Variants in ST18 observed in about 807,000 individuals in gnomAD.
ST18 encodes the protein suppression of tumorigenicity 18 protein.
ST18 carries 50 observed loss-of-function variants against 110.0 expected under a neutral mutation model. That is an observed-to-expected ratio of 0.45 (90% CI 0.36 to 0.58). The LOEUF is 0.58. Ranked by LOEUF, ST18 falls within the 20% of genes least tolerant of loss-of-function variation. The probability of loss-of-function intolerance (pLI) is 0.00; values close to 1 mark genes in which losing one functional copy is unlikely to be tolerated. For synonymous variants in ST18, 461 were observed against 452.4 expected, an observed-to-expected ratio of 1.02 and a Z score of -0.24; for missense variants, 1,306 against 1,280.1, an observed-to-expected ratio of 1.02 and a Z score of -0.31.
Position 52,118,376 on chromosome 8 carries a change from G to A in ST18, c.2821C>T (p.Leu941Phe). The change falls in exon 24 of 26, where the codon CTT becomes TTT. Residue 941 changes from leucine (L) to phenylalanine (F), a missense_variant. By Grantham distance (22) the Leu-to-Phe change is conservative (BLOSUM62 0). Transcript: ENST00000689386. ...TTCATCATATCTGCTTCAATTTTAA[G>A]GTTGGATTCATTCAGTTCCTTTATT... is the stretch of plus-strand genomic sequence containing the variant. ...EEIKELNESN[L>F]KIEADMMKLQ... 1.2e-6 allele frequency: 2 copies of A among 1,611,026 alleles called. No individual in the cohort carries two copies. Among genetic ancestry groups the A allele is most frequent in the Middle Eastern group, 1.7e-4 (1 of 6,034 alleles).
intron 2 of ST18, among the ~76,000 whole-genome samples, chr8:52,343,174 T>C (rs1475830566): frequency 6.6e-6 from 1 of 152,118 alleles, no homozygotes; most frequent in African/African-American, 2.4e-5. Flanking sequence ...TAAAGCTCTT[T>C]AGCCAGGGCA....
intron 2 of ST18, among the ~76,000 whole-genome samples, chr8:52,321,680 C>A (rs16917676): frequency 0.085 from 12,861 of 152,196 alleles, 583 homozygotes; most frequent in East Asian, 0.14. Flanking sequence ...CCAACTAGGT[C>A]ATTTATGAAT....
At chr8:52,282,104 T>C (rs1329450921) in intron 2 of ST18, among the ~76,000 whole-genome samples, 1 of 152,056 alleles carries the variant, frequency 6.6e-6, no homozygotes, top group Non-Finnish European at 1.5e-5. Context: ...ATTACAAAGA[T>C]ATGATTCCAA....
intron 23 of ST18, among the ~76,000 whole-genome samples, chr8:52,121,473 G>A (rs1348647353): frequency 6.6e-6 from 1 of 152,110 alleles, no homozygotes; most frequent in Non-Finnish European, 1.5e-5. Flanking sequence ...CCACAGAGTC[G>A]CTCATCTGCC....
At chr8:52,298,038 C>A (rs6991962) in intron 2 of ST18, among the ~76,000 whole-genome samples, 2 of 152,012 alleles carry the variant, frequency 1.3e-5, no homozygotes, top group African/African-American at 4.8e-5. Flanking sequence ...TACTTCTAAA[C>A]TGACACTTCC....
In ST18 at chr8:52,137,351, A is replaced by G. The variant is rs1275234388; in HGVS notation, c.2231+70T>C. ...TGCTTCAGATAATACATGGATAGAA[A>G]GGGTGAGAATAAGTATTTAAAATAG... On this transcript the variant is annotated intron_variant, in intron 18 of 25. Transcript: ENST00000689386. 5 of 1,518,456 alleles carry G rather than the reference A, an allele frequency of 3.3e-6. No homozygotes were observed. The African/African-American group carries it at 6.9e-5, about 21-fold the overall frequency. 94.1% of individuals were successfully genotyped at this position (1,518,456 alleles called of 1,614,324 possible).
intron 2 of ST18, chr8:52,254,405 G>T (rs182358971): frequency 1.3e-5 from 2 of 152,038 alleles, no homozygotes; most frequent in Admixed American, 1.3e-4. Flanking sequence ...CCCTCCTTAC[G>T]TCACACCTCC....
At chr8:52,198,854 C>G (rs1397276953) in intron 8 of ST18, among the ~76,000 whole-genome samples, 3 of 152,196 alleles carry the variant, frequency 2.0e-5, no homozygotes, top group African/African-American at 7.2e-5. Context: ...GCCCTAACCC[C>G]TTCCACATGT....
intron 7 of ST18, among the ~76,000 whole-genome samples, chr8:52,212,637 C>T (rs1203336909): frequency 6.6e-6 from 1 of 152,162 alleles, no homozygotes; most frequent in South Asian, 2.1e-4. Context: ...GGAAAAACAG[C>T]TTTGATTTTT....
chr8:52,129,451 C>CAA (rs34059224), intron 22 of ST18, among the ~76,000 whole-genome samples: 3,159 of 72,078 alleles, frequency 0.044, 109 homozygotes, highest in African/African-American at 0.099. Context: ...GAGACTCCAT[C>CAA]AAAAAAAAAA....
In ST18 at chr8:52,137,825, G is replaced by A. The variant is rs190276478; in HGVS notation, c.2169-342C>T. 4.9e-3 allele frequency: 1,047 copies of A among 213,150 alleles called. 2 individuals are homozygous for A. The highest frequency in any genetic ancestry group is 7.7e-3 in the Non-Finnish European group (809 of 105,640). 13.2% of individuals were successfully genotyped at this position (213,150 alleles called of 1,614,324 possible). ...TCATTTGAAAAATGTATATGTTGCC[G>A]GGCATGGTGGCTCACGCCTGTAATC... is the stretch of plus-strand genomic sequence containing the variant. On this transcript the variant is annotated intron_variant, in intron 17 of 25. Transcript: ENST00000689386.
At chr8:52,380,121 AG>A (rs113648056) in intron 2 of ST18, among the ~76,000 whole-genome samples, 2,273 of 152,304 alleles carry the variant, frequency 0.015, 58 homozygotes, top group African/African-American at 0.052. Context: ...CAGGAAGCAG[AG>A]AAAAGTCATG....
chr8:52,368,390 C>T (rs541354782), intron 2 of ST18, among the ~76,000 whole-genome samples: 9 of 152,134 alleles, frequency 5.9e-5, no homozygotes, highest in Non-Finnish European at 1.2e-4. Context: ...AAAATGTTCA[C>T]CAGCTGCTTA....
chr8:52,349,621 C>T (rs905596378), intron 2 of ST18, among the ~76,000 whole-genome samples: 1 of 152,164 alleles, frequency 6.6e-6, no homozygotes, highest in Non-Finnish European at 1.5e-5. Context: ...TGTGAGAATA[C>T]TGAGTGGAAA....
chr8:52,217,172 T>C (rs550552861), intron 6 of ST18, among the ~76,000 whole-genome samples: 30 of 152,212 alleles, frequency 2.0e-4, no homozygotes, highest in Non-Finnish European at 4.1e-4. Context: ...AGAGGTTTTA[T>C]TTTTTAAAAA....
chr8:52,226,081 G>A lies in ST18; in HGVS notation c.-419+3951C>T, dbSNP rs150364384. Among the ~76,000 whole-genome samples the A allele has an allele frequency of 3.6e-3, 555 of 152,272 alleles. 3 individuals are homozygous for A. Among genetic ancestry groups the A allele is most frequent in the African/African-American group, 0.013 (535 of 41,560 alleles). ...TGAAGAACTCCTTGGGTTAGATGCA[G>A]CAAAGGACAGAGCAACAGTGACCTC... On this transcript the variant is annotated intron_variant, in intron 3 of 25. Coordinates refer to ENST00000689386, the MANE Select transcript of ST18 (RefSeq NM_001352837.2).
At chr8:52,308,093 AG>A (rs1201413960) in intron 2 of ST18, among the ~76,000 whole-genome samples, 1 of 152,226 alleles carries the variant, frequency 6.6e-6, no homozygotes, top group African/African-American at 2.4e-5. Context: ...GAGCTCTGCC[AG>A]GAAGACCCAG....
intron 24 of ST18, among the ~76,000 whole-genome samples, chr8:52,116,934 C>T (rs2130495065): frequency 6.6e-6 from 1 of 152,284 alleles, no homozygotes; most frequent in East Asian, 1.9e-4. Flanking sequence ...GCCATTACCC[C>T]ATCTAATCTC....
intron 2 of ST18, among the ~76,000 whole-genome samples, chr8:52,365,834 G>A (rs755645179): frequency 6.3e-4 from 95 of 151,706 alleles, no homozygotes; most frequent in Non-Finnish European, 9.6e-4. Flanking sequence ...GAGTAGCTTG[G>A]ACTACAGGTG....
Sources: gnomAD v4.1 joint callset for allele counts (sites outside exome capture counted in the v4.1 genomes callset) on GRCh38, gnomAD v4.1.1 for gene constraint, MANE v1.5 for transcripts, NCBI Gene and HGNC (gene_info 2026-07-23, HGNC 2026-07-21) for gene names.